Variants in LAMC3 observed in about 807,000 individuals in gnomAD.
LAMC3 encodes the protein laminin subunit gamma 3.
LAMC3 carries 128 observed loss-of-function variants against 173.8 expected under a neutral mutation model. The ratio of observed to expected loss-of-function variants is 0.74; its 90% CI spans 0.64 to 0.85. LAMC3 has a LOEUF of 0.85. Among genes scored for constraint, LAMC3 ranks in the 40% least tolerant of loss-of-function variants. LAMC3 has a pLI of 0.00. For missense variants in LAMC3, 2,022 were observed against 2,156.0 expected (o/e 0.94, Z 1.23); for synonymous variants, 897 against 909.1 (o/e 0.99, Z 0.24).
chr9:131,052,156 G>A lies in LAMC3; in HGVS notation c.1631-335G>A, dbSNP rs1026418356. On this transcript the variant is annotated intron_variant, in intron 9 of 27. Coordinates refer to ENST00000361069, the MANE Select transcript of LAMC3 (RefSeq NM_006059.4). ...TCGTGAATGCTACACATGAGCAGAC[G>A]GCAGCCTCTCTGGTCACACGTGTGT... 9.2e-5 allele frequency among the ~76,000 whole-genome samples: 14 copies of A among 152,304 alleles called. No individual in the cohort carries two copies. In the East Asian group the frequency reaches 1.4e-3, roughly 15 times the overall value.
chr9:131,042,916 C>T (rs1013455300), intron 7 of LAMC3, among the ~76,000 whole-genome samples: 2 of 151,840 alleles, frequency 1.3e-5, no homozygotes, highest in East Asian at 1.9e-4. Flanking sequence ...TAATGGAGCA[C>T]CATCAACTCT....
chr9:131,048,551 C>G (rs10901328), intron 8 of LAMC3, among the ~76,000 whole-genome samples: 89,445 of 151,968 alleles, frequency 0.59, 27,350 homozygotes, highest in African/African-American at 0.76. Context: ...GGCTGTGCTC[C>G]GTGTTAACTG....
chr9:131,026,642 G>A lies in LAMC3; in HGVS notation c.678+53G>A, dbSNP rs996283669. The A allele has an allele frequency of 5.6e-5, 84 of 1,493,478 alleles. No individual in the cohort carries two copies. The highest frequency in any genetic ancestry group is 1.1e-4 in the Admixed American group (5 of 46,314). 92.5% of individuals were successfully genotyped at this position (1,493,478 alleles called of 1,614,324 possible). A position where few individuals can be genotyped will look rare whatever the true frequency, so the allele number is the denominator to read the frequency against. On this transcript the variant is annotated intron_variant, in intron 2 of 27. Coordinates refer to ENST00000361069, the MANE Select transcript of LAMC3 (RefSeq NM_006059.4). This position sits in a 1 kb window ranked among gnomAD's most constrained non-coding sequence, Gnocchi z 4.8. ...TGGGACGGGGTTGGGACTGGGTCAC[G>A]GCAGTAGGAGGGTCTGATGTGCCAG... is the stretch of plus-strand genomic sequence containing the variant.
chr9:131,052,875 G>T lies in LAMC3; in HGVS notation c.1849G>T (p.Ala617Ser). Reference protein sequence around the residue: ...FHLQETSEDVAPPLPPFHFQR... With the variant: ...FHLQETSEDVSPPLPPFHFQR... ...CCTGCAGGAGACCTCCGAGGACGTG[G>T]CCCCTCCACTGCCCCCCTTCCACTT... is the stretch of plus-strand genomic sequence containing the variant. The change falls in exon 11 of 28, where the codon GCC (alanine) becomes TCC (serine). Residue 617 changes from alanine (A) to serine (S), a missense_variant. Ala to Ser is a moderately conservative substitution (Grantham distance 99). Transcript: ENST00000361069. 1 of 1,613,746 alleles carries T rather than the reference G, an allele frequency of 6.2e-7. No homozygotes were observed. Among genetic ancestry groups the T allele is most frequent in the Non-Finnish European group, 8.5e-7 (1 of 1,179,866 alleles).
At chr9:131,068,409 C>G (rs1476019211) in intron 15 of LAMC3, among the ~76,000 whole-genome samples, 178 bp downstream of exon 15, 1 of 152,198 alleles carries the variant, frequency 6.6e-6, no homozygotes, top group African/African-American at 2.4e-5. Context: ...GACTCATGCT[C>G]CTGCCAGCCC....
chr9:131,085,815 T>A, intron 25 of LAMC3, 92 bp downstream of exon 25: 1 of 1,212,200 alleles, frequency 8.2e-7, no homozygotes, highest in Non-Finnish European at 1.2e-6. Flanking sequence ...TGCTGACTAC[T>A]CCGCACTCAC....
chr9:131,027,907 G>A (rs889095667), intron 2 of LAMC3, among the ~76,000 whole-genome samples: 13 of 152,212 alleles, frequency 8.5e-5, no homozygotes, highest in African/African-American at 2.4e-4. Flanking sequence ...CGGACCTGCC[G>A]GGATCGGCAC....
At position 131,091,838 on chromosome 9, in the gene LAMC3, C is replaced by A. The variant is rs746801303; in HGVS notation, c.*51C>A. The stretch of plus-strand genomic sequence containing the variant: ...CTCCCCCACCTGCTGTTTACATGAC[C>A]CAGGGGGTGCACACTACCCCACAGG... On this transcript the variant is annotated 3_prime_UTR_variant, in exon 28 of 28. Transcript: ENST00000361069. The A allele has an allele frequency of 6.2e-7, 1 of 1,602,350 alleles. No individual in the cohort carries two copies. Among genetic ancestry groups the A allele is most frequent in the South Asian group, 1.1e-5 (1 of 90,568 alleles).
At chr9:131,059,725 C>T (rs180941739) in intron 12 of LAMC3, among the ~76,000 whole-genome samples, 72 of 152,312 alleles carry the variant, frequency 4.7e-4, no homozygotes, top group Admixed American at 2.3e-3. Flanking sequence ...GTCATCCCCA[C>T]AGAGCCTCTG....
intron 7 of LAMC3, among the ~76,000 whole-genome samples, chr9:131,043,112 AC>A (rs1487225547): frequency 2.0e-5 from 3 of 152,184 alleles, no homozygotes; most frequent in Non-Finnish European, 4.4e-5. Context: ...GGAAGCCCCT[AC>A]CCACTGAGCT....
Position 131,075,930 on chromosome 9 carries a change from G to T in LAMC3, c.3594G>T (p.Arg1198Ser), listed in dbSNP as rs199612934. ...YALLWNLLEG[R>S]VALETQRDLE... ...TTCTCTGGAATCTGCTGGAGGGAAG[G>T]GTGGCCCTAGAGACCCAGCGGGACC... Residue 1198 changes from arginine to serine, a missense_variant, in exon 21 of 28, where the codon AGG becomes AGT. Physicochemically the swap from Arg to Ser is moderately radical, Grantham distance 110. Transcript: ENST00000361069. 1.2e-6 allele frequency: 2 copies of T among 1,610,638 alleles called. No homozygotes were observed.
At chr9:131,081,161 G>A (rs796258703) in intron 23 of LAMC3, among the ~76,000 whole-genome samples, 4 of 152,178 alleles carry the variant, frequency 2.6e-5, no homozygotes, top group Admixed American at 6.5e-5. Context: ...AATATGTGCC[G>A]ATGGTGTCAG....
chr9:131,045,412 T>G lies in LAMC3; in HGVS notation c.1383-112T>G. 7 of 1,283,256 alleles carry G rather than the reference T, an allele frequency of 5.5e-6. No homozygotes were observed. In the South Asian group the frequency reaches 8.4e-5, roughly 15 times the overall value. The allele number at this position is 1,283,256 out of a possible 1,614,324, so 79.5% of individuals were successfully genotyped here. ...TAGAATTCTGAAAAAAAATTGTTTT[T>G]AAGTTTCTGCAGTGATTCTAGACTC... On this transcript the variant is annotated intron_variant, in intron 7 of 27. Coordinates refer to ENST00000361069, the MANE Select transcript of LAMC3 (RefSeq NM_006059.4).
chr9:131,014,272 C>T (rs1833479815), intron 1 of LAMC3, among the ~76,000 whole-genome samples: 2 of 152,254 alleles, frequency 1.3e-5, no homozygotes, highest in African/African-American at 4.8e-5. Context: ...CCTCCAGCGC[C>T]TTACATGTGC....
At position 131,009,254 on chromosome 9, in the gene LAMC3, G is replaced by C; in HGVS notation, c.40G>C (p.Ala14Pro). Residue 14 changes from alanine (A) to proline (P), a missense_variant, in exon 1 of 28, where the codon GCA (alanine) becomes CCA (proline). Ala to Pro is a conservative substitution (Grantham distance 27). Coordinates refer to ENST00000361069, the MANE Select transcript of LAMC3 (RefSeq NM_006059.4). This position sits in a 1 kb window ranked among gnomAD's most constrained non-coding sequence, Gnocchi z 4.3. ...AALLLGLALL[A>P]PRAAGAGMGA... The stretch of plus-strand genomic sequence containing the variant: ...GCTTCTGCTGGGGCTGGCGCTGCTG[G>C]CACCGCGGGCGGCCGGCGCGGGCAT... 7.0e-6 allele frequency: 9 copies of C among 1,294,772 alleles called. No homozygotes were observed. The highest frequency in any genetic ancestry group is 8.8e-6 in the Non-Finnish European group (9 of 1,026,432). The allele number at this position is 1,294,772 out of a possible 1,614,324, so 80.2% of individuals were successfully genotyped here. A position where few individuals can be genotyped will look rare whatever the true frequency, so the allele number is the denominator to read the frequency against.
intron 1 of LAMC3, among the ~76,000 whole-genome samples, chr9:131,010,184 G>A (rs906204085): frequency 9.3e-5 from 14 of 150,986 alleles, no homozygotes; most frequent in South Asian, 6.3e-4. Context: ...AAAAAGCTGG[G>A]CGTGGTGGTG....
intron 13 of LAMC3, among the ~76,000 whole-genome samples, chr9:131,065,533 G>A (rs1051553065): frequency 5.3e-4 from 80 of 152,220 alleles, no homozygotes; most frequent in African/African-American, 1.4e-3. Flanking sequence ...ACAATGAAGA[G>A]GGTGAGGAAG....
At chr9:131,055,423 C>CTTTTTTTTTTTTTTTTTTTT (rs56220728) in intron 11 of LAMC3, among the ~76,000 whole-genome samples, 2 of 109,222 alleles carry the variant, frequency 1.8e-5, no homozygotes, top group Admixed American at 1.1e-4. Flanking sequence ...TCTTTTCTTT[C>CTTTTTTTTTTTTTTTTTTTT]TTTTTTTTTT....
chr9:131,046,611 C>T (rs1834167383), intron 8 of LAMC3, among the ~76,000 whole-genome samples: 1 of 149,340 alleles, frequency 6.7e-6, no homozygotes, highest in South Asian at 2.1e-4. Context: ...CAATCCCGCC[C>T]ACCTCGGCTT....
Sources: gnomAD v4.1 joint callset for allele counts (sites outside exome capture counted in the v4.1 genomes callset) on GRCh38, gnomAD v4.1.1 for gene constraint, Gnocchi (gnomAD v3.1) non-coding constraint, MANE v1.5 for transcripts, NCBI Gene and HGNC (gene_info 2026-07-23, HGNC 2026-07-21) for gene names.